The following NIM1K variants were observed in gnomAD, a reference collection of about 807,000 sequenced individuals.
NIM1K encodes the protein NIM1 serine/threonine protein kinase, also known as serine/threonine-protein kinase NIM1.
NIM1K carries 35 observed loss-of-function variants against 37.1 expected under a neutral mutation model. The observed-to-expected ratio is 0.94, with a 90% confidence interval of 0.72 to 1.25. The LOEUF (loss-of-function observed/expected upper bound fraction) is 1.25. NIM1K is among the 50% of genes most tolerant of loss of function. The pLI is 0.00. For synonymous variants in NIM1K, 234 were observed against 206.6 expected (o/e 1.13, Z -1.14); for missense variants, 564 against 548.0 (o/e 1.03, Z -0.29).
Position 43,265,735 on chromosome 5 carries a change from G to C in NIM1K, c.293-11322G>C, listed in dbSNP as rs550219351. Among the ~76,000 whole-genome samples the C allele has an allele frequency of 5.3e-5, 8 of 152,246 alleles. No homozygotes were observed. In the East Asian group the frequency reaches 1.4e-3, roughly 26 times the overall value. On this transcript the variant is annotated intron_variant, in intron 2 of 3. Transcript: ENST00000326035. ...TAGAATTTTCAGCTTTTCTGCTCTG[G>C]TTTCTCCCCATCTTTGTGGTTTTAT...
intron 2 of NIM1K, among the ~76,000 whole-genome samples, chr5:43,271,341 C>G (rs1753253358): frequency 6.6e-6 from 1 of 151,898 alleles, no homozygotes; most frequent in South Asian, 2.1e-4. Flanking sequence ...TGCATATACC[C>G]CCAGAGAATG....
At chr5:43,241,224 G>A (rs557746356) in intron 1 of NIM1K, among the ~76,000 whole-genome samples, 1 of 151,890 alleles carries the variant, frequency 6.6e-6, no homozygotes, top group Admixed American at 6.5e-5. Context: ...GTAAGGTTGA[G>A]TACATTTTTG....
At chr5:43,241,747 T>C (rs756831536) in intron 1 of NIM1K, among the ~76,000 whole-genome samples, 2 of 152,042 alleles carry the variant, frequency 1.3e-5, no homozygotes, top group Non-Finnish European at 2.9e-5. Flanking sequence ...AGGTTATCAT[T>C]TGATTTTTGC....
At chr5:43,229,942 C>G (rs1462097093) in intron 1 of NIM1K, among the ~76,000 whole-genome samples, 1 of 150,330 alleles carries the variant, frequency 6.7e-6, no homozygotes, top group African/African-American at 2.5e-5. Flanking sequence ...TAATTTTAGC[C>G]TCTTTTTTTT....
At chr5:43,269,352 C>A (rs1753220168) in intron 2 of NIM1K, among the ~76,000 whole-genome samples, 1 of 148,024 alleles carries the variant, frequency 6.8e-6, no homozygotes, top group Non-Finnish European at 1.5e-5. Flanking sequence ...CTCCTGCTAG[C>A]CTTTGGTTTC....
At chr5:43,233,253 T>G (rs910145992) in intron 1 of NIM1K, 1 of 640,148 alleles carries the variant, frequency 1.6e-6, no homozygotes, top group Admixed American at 2.8e-5. Flanking sequence ...TCTTAGGTGA[T>G]TGATATAAGA....
intron 1 of NIM1K, among the ~76,000 whole-genome samples, chr5:43,237,623 A>G (rs1412564970): frequency 1.3e-5 from 2 of 152,228 alleles, no homozygotes; most frequent in African/African-American, 4.8e-5. Flanking sequence ...AGTCAAAAAT[A>G]TATACTATTT....
chr5:43,240,073 CT>C (rs1278783454), intron 1 of NIM1K, among the ~76,000 whole-genome samples: 1 of 151,756 alleles, frequency 6.6e-6, no homozygotes, highest in Non-Finnish European at 1.5e-5. Context: ...TTTTTCTTTT[CT>C]TTTTTTCTTT....
intron 2 of NIM1K, among the ~76,000 whole-genome samples, chr5:43,268,300 G>T (rs79900275): frequency 2.3e-3 from 346 of 152,328 alleles, no homozygotes; most frequent in African/African-American, 7.7e-3. Context: ...GGCCAGTCAT[G>T]CCATGTGGTC....
intron 2 of NIM1K, among the ~76,000 whole-genome samples, chr5:43,266,727 TC>T (rs1475376116): frequency 6.6e-6 from 1 of 152,206 alleles, no homozygotes; most frequent in East Asian, 1.9e-4. Context: ...CTGGAGCTGT[TC>T]CTATTTGGCC....
rs201877446 is a variant in NIM1K, at chr5:43,201,142, AT to A, written c.-695+8733del. On this transcript the variant is annotated intron_variant, in intron 1 of 3. Coordinates refer to ENST00000326035, the MANE Select transcript of NIM1K (RefSeq NM_153361.4). ...AACATCTCAAAAAAAAAAAAAAAAA[AT>A]TCATGCCTGTAATCCCAGCACTTTG... Among the ~76,000 whole-genome samples the A allele has an allele frequency of 1.5e-4, 22 of 148,952 alleles. No homozygotes were observed. In the South Asian group the frequency reaches 1.5e-3, roughly 10 times the overall value.
chr5:43,215,399 T>C (rs756548689), intron 1 of NIM1K, among the ~76,000 whole-genome samples: 2 of 152,166 alleles, frequency 1.3e-5, no homozygotes, highest in Non-Finnish European at 2.9e-5. Flanking sequence ...GCCCAGCAGT[T>C]CTTGGAGTAG....
rs1040242822 is a variant in NIM1K at position 43,252,357 on chromosome 5, C to T, written c.292+6290C>T. 2.0e-5 allele frequency among the ~76,000 whole-genome samples: 3 copies of T among 152,246 alleles called. No homozygotes were observed. The South Asian group carries it at 6.2e-4, about 32-fold the overall frequency. On this transcript the variant is annotated intron_variant, in intron 2 of 3. Coordinates refer to ENST00000326035, the MANE Select transcript of NIM1K (RefSeq NM_153361.4). ...AGCTCTATTGTCAAAGAAACAGTCTCACCCGCTGGTTCTGGGACAGTATGT... is the reference window on the plus strand; with the variant it reads ...AGCTCTATTGTCAAAGAAACAGTCTTACCCGCTGGTTCTGGGACAGTATGT...
intron 1 of NIM1K, among the ~76,000 whole-genome samples, chr5:43,223,420 A>G (rs551341680): frequency 2.1e-4 from 32 of 152,356 alleles, no homozygotes; most frequent in Admixed American, 2.0e-3. Flanking sequence ...AATGTGTTAT[A>G]TAAGAGCTAA....
chr5:43,269,956 T>C (rs1753230794), intron 2 of NIM1K, among the ~76,000 whole-genome samples: 1 of 152,228 alleles, frequency 6.6e-6, no homozygotes. Flanking sequence ...CTGTGAGTTT[T>C]ATGCTTTCAA....
In NIM1K at chr5:43,280,096, G is replaced by C. The variant is rs763422861; in HGVS notation, c.678G>C (p.Met226Ile). The C allele has an allele frequency of 1.2e-6, 2 of 1,614,192 alleles. No individual in the cohort carries two copies. The highest frequency in any genetic ancestry group is 4.5e-5 in the East Asian group (2 of 44,878). ...GFSTVSKKGE[M>I]LNTFCGSPPY... ...GCACAGTAAGCAAAAAAGGTGAAAT[G>C]CTGAACACTTTCTGTGGGTCTCCTC... is the stretch of plus-strand genomic sequence containing the variant. Residue 226 changes from methionine to isoleucine, a missense_variant, in exon 4 of 4, where the codon ATG becomes ATC. Physicochemically the swap from Met to Ile is conservative, Grantham distance 10. Transcript: ENST00000326035.
chr5:43,280,466 C>A lies in NIM1K; in HGVS notation c.1048C>A (p.Leu350Ile). The change falls in exon 4 of 4, where the codon CTC becomes ATC. Residue 350 changes from leucine to isoleucine, a missense_variant. Coordinates refer to ENST00000326035, the MANE Select transcript of NIM1K (RefSeq NM_153361.4). ...CAAACATTTGTCGGAAACCAGCACT[C>A]TCAAGGAAGAAGAAAATGAGGTCAA... ...DPKHLSETSTLKEEENEVKST... is the reference protein window; with the variant it reads ...DPKHLSETSTIKEEENEVKST... 6.2e-7 allele frequency: 1 copy of A among 1,614,142 alleles called. No individual in the cohort carries two copies. The highest frequency in any genetic ancestry group is 8.5e-7 in the Non-Finnish European group (1 of 1,180,040).
intron 1 of NIM1K, among the ~76,000 whole-genome samples, chr5:43,236,960 G>T (rs573854465): frequency 3.9e-5 from 6 of 152,194 alleles, no homozygotes; most frequent in African/African-American, 1.4e-4. Flanking sequence ...GAGAAATAAA[G>T]AGCTGAGCTA....
intron 1 of NIM1K, among the ~76,000 whole-genome samples, chr5:43,238,529 G>A (rs1752653231): frequency 1.3e-5 from 2 of 151,692 alleles, no homozygotes; most frequent in Admixed American, 6.6e-5. Flanking sequence ...TTTAGGTTGA[G>A]CATGGTTTCT....
Sources: allele counts gnomAD v4.1 joint callset (sites outside exome capture counted in the v4.1 genomes callset), GRCh38; gene constraint gnomAD v4.1.1; transcripts MANE v1.5; gene names NCBI Gene and HGNC (gene_info 2026-07-23, HGNC 2026-07-21).